Variants in NLRP1 observed in about 807,000 individuals in gnomAD.
NLRP1 encodes the protein NLR family pyrin domain containing 1, also known as NACHT, LRR and PYD domains-containing protein 1.
NLRP1 carries 94 observed loss-of-function variants against 136.7 expected under a neutral mutation model. The ratio of observed to expected loss-of-function variants is 0.69; its 90% CI spans 0.58 to 0.82. The LOEUF is 0.82. Ranked by LOEUF, NLRP1 falls within the 40% of genes least tolerant of loss-of-function variation. The pLI, the probability that NLRP1 is intolerant of heterozygous loss-of-function variation, is 0.00. For synonymous variants in NLRP1, 690 were observed against 725.1 expected (o/e 0.95, Z 0.78); for missense variants, 1,575 against 1,802.7 (o/e 0.87, Z 2.29).
intron 14 of NLRP1, among the ~76,000 whole-genome samples, chr17:5,518,772 C>T (rs1472078890): frequency 6.6e-6 from 1 of 151,648 alleles, no homozygotes. Context: ...TCAAGTGATT[C>T]TCCCACTATG....
At chr17:5,513,924 T>A (rs1056547615), downstream of NLRP1, among the ~76,000 whole-genome samples, 1 of 152,186 alleles carries the variant, frequency 6.6e-6, no homozygotes, top group Non-Finnish European at 1.5e-5. Flanking sequence ...ACCAGCGCCA[T>A]GACAGTTTAC....
intron 3 of NLRP1, among the ~76,000 whole-genome samples, chr17:5,565,302 C>T (rs1567666219): frequency 1.3e-5 from 2 of 152,292 alleles, no homozygotes; most frequent in East Asian, 3.9e-4. Flanking sequence ...AACGTCTATT[C>T]TAATCTTTTA....
intron 16 of NLRP1, 106 bp downstream of exon 16, chr17:5,515,367 G>T: frequency 1.0e-6 from 1 of 987,842 alleles, no homozygotes; most frequent in South Asian, 1.3e-5. Context: ...CTCTTTGTGA[G>T]GTTTGCAGTG....
chr17:5,516,049 A>G (rs1408869549), intron 15 of NLRP1, among the ~76,000 whole-genome samples: 4 of 152,120 alleles, frequency 2.6e-5, no homozygotes, highest in Non-Finnish European at 4.4e-5. Context: ...AAAAACAGAC[A>G]ACGACAAAAA....
At chr17:5,561,765 A>C (rs986196888) in intron 3 of NLRP1, among the ~76,000 whole-genome samples, 8 of 152,160 alleles carry the variant, frequency 5.3e-5, no homozygotes, top group Non-Finnish European at 7.3e-5. Flanking sequence ...TATACTTGCC[A>C]TGAAACTGTT....
chr17:5,551,527 C>G (rs1913356295), intron 5 of NLRP1, among the ~76,000 whole-genome samples: 1 of 152,200 alleles, frequency 6.6e-6, no homozygotes, highest in Non-Finnish European at 1.5e-5. Context: ...GTATTCAACT[C>G]ATTTTGGTAA....
intron 2 of NLRP1, 120 bp downstream of exon 2, chr17:5,582,550 A>G (rs1905790596): frequency 1.1e-6 from 1 of 949,662 alleles, no homozygotes; most frequent in East Asian, 2.6e-5. Flanking sequence ...TGGCTCCCCT[A>G]TCCTTCCTCT....
At chr17:5,570,628 C>A (rs960092897) in intron 3 of NLRP1, among the ~76,000 whole-genome samples, 1 of 152,002 alleles carries the variant, frequency 6.6e-6, no homozygotes, top group African/African-American at 2.4e-5. Context: ...AAGGCCAGGA[C>A]CAGAGAGATT....
At chr17:5,513,130 C>CT (rs933725352), downstream of NLRP1, among the ~76,000 whole-genome samples, 8 of 152,210 alleles carry the variant, frequency 5.3e-5, no homozygotes, top group Admixed American at 4.6e-4. Flanking sequence ...CAGCATTAAC[C>CT]TTTTTTTCTT....
rs1284503542 is a variant in NLRP1 at position 5,533,353 on chromosome 17, A to G, written c.3084T>C (p.Asn1028=). ...TCTTGCTCACGTCCAGGAGTTTGAG[A>G]TTAGCCTGAGCAACATGGGAAGCCG... ...ERAASHVAQA[N]LKLLDVSKIF... The change falls in exon 10 of 17, where the codon AAT becomes AAC. Residue 1028 remains asparagine (N), a synonymous_variant. Coordinates refer to ENST00000572272, the MANE Select transcript of NLRP1 (RefSeq NM_033004.4). 6 of 1,417,376 alleles carry G rather than the reference A, an allele frequency of 4.2e-6. No individual in the cohort carries two copies. The highest frequency in any genetic ancestry group is 5.9e-6 in the Non-Finnish European group (6 of 1,024,700). The allele number at this position is 1,417,376 out of a possible 1,614,324, so 87.8% of individuals were successfully genotyped here.
chr17:5,534,387 A>C (rs1356523507), intron 8 of NLRP1, among the ~76,000 whole-genome samples: 1 of 152,048 alleles, frequency 6.6e-6, no homozygotes, highest in African/African-American at 2.4e-5. Flanking sequence ...CAAAACAAAC[A>C]AAAAAACTCC....
intron 14 of NLRP1, chr17:5,518,697 T>C (rs1378522217): frequency 6.7e-6 from 1 of 150,366 alleles, no homozygotes; most frequent in East Asian, 2.0e-4. Context: ...ACCATACTCA[T>C]TTTTTCATTT....
intron 3 of NLRP1, among the ~76,000 whole-genome samples, chr17:5,570,680 A>G (rs1463869701): frequency 6.6e-6 from 1 of 152,054 alleles, no homozygotes; most frequent in African/African-American, 2.4e-5. Flanking sequence ...GAGCTCGTAC[A>G]ATTTCTACTG....
At chr17:5,515,296 G>A (rs921293211) in intron 16 of NLRP1, among the ~76,000 whole-genome samples, 177 bp downstream of exon 16, 3 of 152,198 alleles carry the variant, frequency 2.0e-5, no homozygotes, top group African/African-American at 7.2e-5. Context: ...GAATTCTAGG[G>A]TCTCTGTGGA....
chr17:5,551,774 G>C (rs1913388339), intron 5 of NLRP1, among the ~76,000 whole-genome samples: 1 of 151,988 alleles, frequency 6.6e-6, no homozygotes. Context: ...AAAAAATTTT[G>C]AGTAATTTTT....
chr17:5,583,930 C>T lies in NLRP1; in HGVS notation c.28G>A (p.Ala10Thr). Residue 10 changes from alanine to threonine, a missense_variant, in exon 1 of 17, where the codon GCC becomes ACC. Transcript: ENST00000572272. This position sits in a 1 kb window ranked among gnomAD's most constrained non-coding sequence, Gnocchi z 4.5. ...TTCTTCAGGAACTCCAAGTAACAGG[C>T]CAGGCGGCCCCAGGCTCCGCCAGCC... MAGGAWGRL[A>T]CYLEFLKKEE... is the part of the protein sequence containing the mutation. 6.2e-7 allele frequency: 1 copy of T among 1,609,092 alleles called. No homozygotes were observed. Among genetic ancestry groups the T allele is most frequent in the Middle Eastern group, 1.7e-4 (1 of 6,034 alleles).
chr17:5,548,289 G>A (rs7222565), intron 5 of NLRP1, among the ~76,000 whole-genome samples: 7,057 of 152,280 alleles, frequency 0.046, 195 homozygotes, highest in Middle Eastern at 0.082. Flanking sequence ...GCTTCTCAGA[G>A]TGAAACCTAT....
downstream of NLRP1, chr17:5,512,154 T>C (rs1201788751): frequency 2.1e-6 from 2 of 955,100 alleles, no homozygotes; most frequent in Admixed American, 1.7e-5. Flanking sequence ...CTGTGGCCAT[T>C]CGATCTGAAT....
chr17:5,520,916 C>T lies in NLRP1; in HGVS notation c.3880G>A (p.Gly1294Arg). Residue 1294 changes from glycine to arginine, a missense_variant, in exon 14 of 17, where the codon GGG (glycine) becomes AGG (arginine). Coordinates refer to ENST00000572272, the MANE Select transcript of NLRP1 (RefSeq NM_033004.4). The part of the protein sequence containing the change: ...LYMGCRYTVS[G>R]SGSGMLEILP... ...ATTTCCAGCATCCCTGAACCAGACCCAGACACAGTGTAACGACAGCCCATA... is the reference window on the plus strand; with the variant it reads ...ATTTCCAGCATCCCTGAACCAGACCTAGACACAGTGTAACGACAGCCCATA... 1 of 1,611,356 alleles carries T rather than the reference C, an allele frequency of 6.2e-7. No homozygotes were observed. Among genetic ancestry groups the T allele is most frequent in the Non-Finnish European group, 8.5e-7 (1 of 1,178,576 alleles).
Sources: gnomAD v4.1 joint callset for allele counts (sites outside exome capture counted in the v4.1 genomes callset) on GRCh38, gnomAD v4.1.1 for gene constraint, Gnocchi (gnomAD v3.1) non-coding constraint, MANE v1.5 for transcripts, NCBI Gene and HGNC (gene_info 2026-07-23, HGNC 2026-07-21) for gene names.